PCDHGA7: variants seen among roughly 807,000 people sequenced by gnomAD.
PCDHGA7 encodes the protein protocadherin gamma subfamily A, 7, also known as protocadherin gamma-A7.
In PCDHGA7, 44 loss-of-function variants were observed where a neutral mutation model predicts 58.3. The observed-to-expected ratio is 0.75, with a 90% CI of 0.59 to 0.97. The LOEUF (loss-of-function observed/expected upper bound fraction) is 0.97. Among genes scored for constraint, PCDHGA7 ranks in the 50% least tolerant of loss-of-function variants. PCDHGA7 has a pLI of 0.00. For synonymous variants in PCDHGA7, 516 were observed against 504.2 expected (o/e 1.02, Z -0.31); for missense variants, 1,266 against 1,188.7 (o/e 1.06, Z -0.96).
chr5:141,473,193 A>G (rs938175797), intron 1 of PCDHGA7, among the ~76,000 whole-genome samples: 2 of 152,232 alleles, frequency 1.3e-5, no homozygotes, highest in African/African-American at 4.8e-5. Flanking sequence ...GAGTAAATGT[A>G]TCTTCTAAAA....
chr5:141,408,328 C>A, intron 1 of PCDHGA7: 1 of 1,613,910 alleles, frequency 6.2e-7, no homozygotes, highest in South Asian at 1.1e-5. Flanking sequence ...AGGAGCTGGC[C>A]AAGGGCTCGG....
In PCDHGA7 at chr5:141,432,872, C is replaced by G; in HGVS notation, c.2424+47549C>G. 4 of 1,614,192 alleles carry G rather than the reference C, an allele frequency of 2.5e-6. No individual in the cohort carries two copies. The highest frequency in any genetic ancestry group is 3.4e-6 in the Non-Finnish European group (4 of 1,180,018). ...GGTGGCCGCGGTCTCCTGCGTCTTCCTGGCCTTCGTCATCTTGCTGCTGGC... is the reference window on the plus strand; with the variant it reads ...GGTGGCCGCGGTCTCCTGCGTCTTCGTGGCCTTCGTCATCTTGCTGCTGGC... On this transcript the variant is annotated intron_variant, in intron 1 of 3. Coordinates refer to ENST00000518325, the MANE Select transcript of PCDHGA7 (RefSeq NM_018920.4). The surrounding 1 kb of genome is among the most constrained non-coding windows in gnomAD (Gnocchi z 6.0).
Position 141,421,724 on chromosome 5 carries a change from A to G in PCDHGA7, c.2424+36401A>G, listed in dbSNP as rs541532003. On this transcript the variant is annotated intron_variant, in intron 1 of 3. Transcript: ENST00000518325. ...GCTAGGGATCCAGATGTGGGCGTGA[A>G]CTCCCTCCAGAGCTACCAGCTCAGC... 250 of 1,613,766 alleles carry G rather than the reference A, an allele frequency of 1.5e-4. 5 individuals are homozygous for G. The South Asian group carries it at 2.6e-3, about 17-fold the overall frequency.
At chr5:141,415,063 G>A (rs569362520) in intron 1 of PCDHGA7, 3 of 1,613,432 alleles carry the variant, frequency 1.9e-6, no homozygotes, top group Admixed American at 1.7e-5. Flanking sequence ...CACGGGCGAG[G>A]TGCGCACGGC....
chr5:141,404,124 C>A, intron 1 of PCDHGA7: 1 of 1,613,272 alleles, frequency 6.2e-7, no homozygotes, highest in Non-Finnish European at 8.5e-7. Context: ...GAGAATCTAT[C>A]TTTTACATTA....
At chr5:141,422,394 C>T (rs898242724) in intron 1 of PCDHGA7, 1 of 1,595,520 alleles carries the variant, frequency 6.3e-7, no homozygotes, top group Non-Finnish European at 8.5e-7. Context: ...TTATTCCTAA[C>T]CACCTGCCTT....
chr5:141,471,044 CT>C (rs1432278092), intron 1 of PCDHGA7, among the ~76,000 whole-genome samples: 3 of 136,442 alleles, frequency 2.2e-5, no homozygotes. Flanking sequence ...AGCCCAAGCC[CT>C]CTTTTTTTTT....
rs777761385 is a variant in PCDHGA7 at position 141,489,558 on chromosome 5, G to T, written c.2425-5249G>T. 1.1e-5 allele frequency: 17 copies of T among 1,614,130 alleles called. No homozygotes were observed. In the South Asian group the frequency reaches 1.8e-4, roughly 17 times the overall value. On this transcript the variant is annotated intron_variant, in intron 1 of 3. Coordinates refer to ENST00000518325, the MANE Select transcript of PCDHGA7 (RefSeq NM_018920.4). The surrounding 1 kb of genome is among the most constrained non-coding windows in gnomAD (Gnocchi z 4.5). Reference sequence around the variant, plus strand: ...CCAGCACCAGCTGCCTGCTGCCAGTGCAGGTGGTGACTGAACACCCCCTGG... The same window carrying T: ...CCAGCACCAGCTGCCTGCTGCCAGTTCAGGTGGTGACTGAACACCCCCTGG...
chr5:141,422,069 C>A, intron 1 of PCDHGA7: 3 of 1,611,836 alleles, frequency 1.9e-6, no homozygotes, highest in Non-Finnish European at 2.5e-6. Flanking sequence ...GTAATGTATT[C>A]ATTTCGGAAC....
chr5:141,414,686 C>G, intron 1 of PCDHGA7: 4 of 1,614,042 alleles, frequency 2.5e-6, no homozygotes, highest in Non-Finnish European at 3.4e-6. Flanking sequence ...CAGGGGGTAC[C>G]TCTGTCCTCA....
chr5:141,401,587 T>C (rs1455949609), intron 1 of PCDHGA7, among the ~76,000 whole-genome samples: 3 of 152,226 alleles, frequency 2.0e-5, no homozygotes, highest in Non-Finnish European at 2.9e-5. Context: ...TCCTGACATA[T>C]TCTTGAAGAA....
rs139832920 is a variant in PCDHGA7, at chr5:141,432,866, G to T, written c.2424+47543G>T. On this transcript the variant is annotated intron_variant, in intron 1 of 3. Coordinates refer to ENST00000518325, the MANE Select transcript of PCDHGA7 (RefSeq NM_018920.4). This position sits in a 1 kb window ranked among gnomAD's most constrained non-coding sequence, Gnocchi z 6.0. ...GGTAGCGGTGGCCGCGGTCTCCTGC[G>T]TCTTCCTGGCCTTCGTCATCTTGCT... The T allele has an allele frequency of 1.9e-6, 3 of 1,614,034 alleles. No individual in the cohort carries two copies. The African/African-American group carries it at 4.0e-5, about 22-fold the overall frequency.
In PCDHGA7 at chr5:141,384,810, C is replaced by A. The variant is rs755407612; in HGVS notation, c.1911C>A (p.Ala637=). The change falls in exon 1 of 4, where the codon GCC becomes GCA. Residue 637 remains alanine, a synonymous_variant. Coordinates refer to ENST00000518325, the MANE Select transcript of PCDHGA7 (RefSeq NM_018920.4). ...RTARALLDRD[A]LKQSLVVAVQ... ...CTCGGGCCCTGCTGGACAGAGATGC[C>A]CTCAAGCAGAGCCTCGTGGTGGCCG... 3 of 1,613,422 alleles carry A rather than the reference C, an allele frequency of 1.9e-6. No homozygotes were observed. Among genetic ancestry groups the A allele is most frequent in the Middle Eastern group, 1.7e-4 (1 of 6,060 alleles).
chr5:141,491,513 A>C lies in PCDHGA7; in HGVS notation c.2425-3294A>C, dbSNP rs1163218369. On this transcript the variant is annotated intron_variant, in intron 1 of 3. Coordinates refer to ENST00000518325, the MANE Select transcript of PCDHGA7 (RefSeq NM_018920.4). The surrounding 1 kb of genome is among the most constrained non-coding windows in gnomAD (Gnocchi z 6.9). ...CAGGTGAGCTCGGACGGCACGCTCAAGTACATGGAGGTGACGCTGCGGCCC... is the reference window on the plus strand; with the variant it reads ...CAGGTGAGCTCGGACGGCACGCTCACGTACATGGAGGTGACGCTGCGGCCC... The C allele has an allele frequency of 6.2e-7, 1 of 1,613,934 alleles. No individual in the cohort carries two copies. Among genetic ancestry groups the C allele is most frequent in the East Asian group, 2.2e-5 (1 of 44,888 alleles).
At chr5:141,414,280 G>A (rs1448512468) in intron 1 of PCDHGA7, 2 of 1,613,604 alleles carry the variant, frequency 1.2e-6, no homozygotes, top group Admixed American at 1.7e-5. Context: ...TCTGGGAACA[G>A]TCGTAGCCCT....
rs548074156 is a variant in PCDHGA7 at position 141,511,069 on chromosome 5, G to A, written c.2695G>A (p.Gly899Ser). The A allele has an allele frequency of 6.2e-7, 1 of 1,614,230 alleles. No individual in the cohort carries two copies. Among genetic ancestry groups the A allele is most frequent in the Non-Finnish European group, 8.5e-7 (1 of 1,180,034 alleles). ...CTACCGCCAGAATGTCTACATCCCA[G>A]GCAGCAATGCCACACTGACCAACGC... ...PDYRQNVYIP[G>S]SNATLTNAAG... The change falls in exon 4 of 4, where the codon GGC becomes AGC. Residue 899 changes from glycine (G) to serine (S), a missense_variant. Physicochemically the swap from Gly to Ser is moderately conservative, Grantham distance 56 (BLOSUM62 0). Transcript: ENST00000518325.
At chr5:141,405,104 C>T in intron 1 of PCDHGA7, 1 of 1,613,940 alleles carries the variant, frequency 6.2e-7, no homozygotes, top group Non-Finnish European at 8.5e-7. Flanking sequence ...CAGGCTGAGG[C>T]ACTGGCACTC....
intron 1 of PCDHGA7, chr5:141,427,612 T>G (rs975527074): frequency 2.9e-6 from 2 of 691,298 alleles, no homozygotes; most frequent in African/African-American, 1.8e-5. Flanking sequence ...ATTGGTGAAG[T>G]CAACGACAAT....
chr5:141,493,206 C>A lies in PCDHGA7; in HGVS notation c.2425-1601C>A, dbSNP rs191090598. Among the ~76,000 whole-genome samples the A allele has an allele frequency of 2.4e-3, 368 of 152,322 alleles. 2 individuals carry two copies. Among genetic ancestry groups the A allele is most frequent in the Admixed American group, 4.5e-3 (69 of 15,296 alleles). On this transcript the variant is annotated intron_variant, in intron 1 of 3. Transcript: ENST00000518325. This position sits in a 1 kb window ranked among gnomAD's most constrained non-coding sequence, Gnocchi z 4.3. ...TATAACTCCTTTGAGAACCTCATCT[C>A]ATTTGCTCTTCCCACCATTGCTGTT...
Sources: allele counts gnomAD v4.1 joint callset (sites outside exome capture counted in the v4.1 genomes callset), GRCh38; gene constraint gnomAD v4.1.1; non-coding constraint Gnocchi (gnomAD v3.1); transcripts MANE v1.5; gene names NCBI Gene and HGNC (gene_info 2026-07-23, HGNC 2026-07-21).